EPB41L2: variants seen among roughly 807,000 people sequenced by gnomAD.
EPB41L2 encodes band 4.1-like protein 2.
A neutral mutation model predicts 113.0 loss-of-function variants in EPB41L2; 43 were observed. The ratio of observed to expected loss-of-function variants is 0.38; its 90% CI spans 0.30 to 0.49. The LOEUF (loss-of-function observed/expected upper bound fraction) is 0.49. Among genes scored for constraint, EPB41L2 ranks in the 20% least tolerant of loss-of-function variants. The pLI is 0.95. For synonymous variants in EPB41L2, 442 were observed against 436.7 expected, an observed-to-expected ratio of 1.01 and a Z score of -0.15; for missense variants, 1,147 against 1,223.4, an observed-to-expected ratio of 0.94 and a Z score of 0.93.
chr6:130,844,002 T>C (rs995907924), intron 19 of EPB41L2, among the ~76,000 whole-genome samples: 1 of 152,198 alleles, frequency 6.6e-6, no homozygotes, highest in Non-Finnish European at 1.5e-5. Context: ...GGCTCATGTA[T>C]TGATCTCAAT....
chr6:130,861,185 G>GCCT (rs1395001165), intron 18 of EPB41L2, among the ~76,000 whole-genome samples: 9 of 151,902 alleles, frequency 5.9e-5, no homozygotes, highest in Non-Finnish European at 2.9e-5. Context: ...CCATTCTCCT[G>GCCT]CCTCAGCCTC....
intron 19 of EPB41L2, among the ~76,000 whole-genome samples, chr6:130,841,500 G>A (rs1043883246): frequency 6.6e-6 from 1 of 152,214 alleles, no homozygotes; most frequent in Non-Finnish European, 1.5e-5. Flanking sequence ...CCGGCAAGGA[G>A]TAGAGGCAGG....
At chr6:130,892,060 G>A (rs1793064460) in intron 10 of EPB41L2, among the ~76,000 whole-genome samples, 1 of 152,166 alleles carries the variant, frequency 6.6e-6, no homozygotes. Flanking sequence ...AAAGTTTGCA[G>A]GAGCAAATTG....
At chr6:131,055,746 T>C (rs1797456675) in intron 1 of EPB41L2, among the ~76,000 whole-genome samples, 1 of 152,210 alleles carries the variant, frequency 6.6e-6, no homozygotes, top group Admixed American at 6.5e-5. Context: ...GCACACCAGC[T>C]ACTCCAAGAT....
intron 1 of EPB41L2, among the ~76,000 whole-genome samples, chr6:131,045,369 A>T (rs189544450): frequency 3.5e-4 from 53 of 152,168 alleles, no homozygotes; most frequent in Middle Eastern, 6.8e-3. Flanking sequence ...ATATTCATTT[A>T]AAAATGATGA....
chr6:131,002,933 G>C (rs1230405524), intron 1 of EPB41L2, among the ~76,000 whole-genome samples: 3 of 152,112 alleles, frequency 2.0e-5, no homozygotes, highest in Admixed American at 6.5e-5. Context: ...ACTTTTCCCA[G>C]TAGATAAAGT....
intron 16 of EPB41L2, 54 bp downstream of exon 16, chr6:130,867,404 TA>T (rs1465486742): frequency 6.3e-7 from 1 of 1,581,276 alleles, no homozygotes; most frequent in Admixed American, 1.9e-5. Context: ...AATGAAAACA[TA>T]GATACACTAA....
chr6:131,034,821 T>C (rs185413871), intron 1 of EPB41L2, among the ~76,000 whole-genome samples: 101 of 152,310 alleles, frequency 6.6e-4, no homozygotes, highest in African/African-American at 2.3e-3. Context: ...CACTAAAGAA[T>C]TAAGCTGGCA....
rs370423061 is a variant in EPB41L2 at position 131,054,697 on chromosome 6, G to A, written c.-15+8458C>T. ...TGTTACTACTTGAGACCGTCATTAC[G>A]AGACTGAAGGAAGGGACAAACATGG... On this transcript the variant is annotated intron_variant, in intron 1 of 19. Transcript: ENST00000337057. Among the ~76,000 whole-genome samples, 35 of 152,302 alleles carry A rather than the reference G, an allele frequency of 2.3e-4. 1 individual carries two copies. The highest frequency in any genetic ancestry group is 7.7e-4 in the African/African-American group (32 of 41,570).
At chr6:131,029,780 G>A (rs1020648653) in intron 1 of EPB41L2, among the ~76,000 whole-genome samples, 1 of 152,182 alleles carries the variant, frequency 6.6e-6, no homozygotes, top group Non-Finnish European at 1.5e-5. Context: ...ACAGTTGAAA[G>A]TTGATCTTTA....
At chr6:130,958,228 G>T (rs1818109940) in intron 1 of EPB41L2, among the ~76,000 whole-genome samples, 2 of 152,082 alleles carry the variant, frequency 1.3e-5, no homozygotes, top group African/African-American at 4.8e-5. Context: ...GAGGAGGGTG[G>T]ACCACTTGAG....
At chr6:130,981,826 T>C (rs928758570) in intron 1 of EPB41L2, among the ~76,000 whole-genome samples, 1 of 152,024 alleles carries the variant, frequency 6.6e-6, no homozygotes, top group Non-Finnish European at 1.5e-5. Flanking sequence ...ATAAATAAAA[T>C]TTGGAGAAAA....
chr6:130,876,760 G>A, intron 14 of EPB41L2: 3 of 1,303,728 alleles, frequency 2.3e-6, no homozygotes, highest in Non-Finnish European at 3.0e-6. Context: ...TCCTTGAAAA[G>A]ATGGTCTCCT....
intron 4 of EPB41L2, among the ~76,000 whole-genome samples, chr6:130,912,847 A>G (rs1166104793): frequency 6.6e-6 from 1 of 152,208 alleles, no homozygotes; most frequent in Non-Finnish European, 1.5e-5. Flanking sequence ...CACCCAAGGA[A>G]CAACCATAGC....
chr6:130,875,294 CA>C (rs1222293043), intron 14 of EPB41L2, among the ~76,000 whole-genome samples: 1 of 152,160 alleles, frequency 6.6e-6, no homozygotes, highest in Non-Finnish European at 1.5e-5. Context: ...CATCCAGTGC[CA>C]GGGGGACTTC....
intron 1 of EPB41L2, among the ~76,000 whole-genome samples, chr6:131,023,302 A>G (rs913765072): frequency 6.6e-6 from 1 of 151,592 alleles, no homozygotes; most frequent in Non-Finnish European, 1.5e-5. Context: ...TTTATTTCCT[A>G]TTATTTCTTA....
chr6:130,900,845 C>G lies in EPB41L2; in HGVS notation c.1148+117G>C, dbSNP rs879386379. ...TTGCCTTGATTAGTGCTAGGTGAAACTCCAAAAGGAAAAATTGGATAATCC... is the reference window on the plus strand; with the variant it reads ...TTGCCTTGATTAGTGCTAGGTGAAAGTCCAAAAGGAAAAATTGGATAATCC... On this transcript the variant is annotated intron_variant, in intron 7 of 19. Transcript: ENST00000337057. 19 of 1,253,342 alleles carry G rather than the reference C, an allele frequency of 1.5e-5. No homozygotes were observed. In the African/African-American group the frequency reaches 2.2e-4, roughly 15 times the overall value. The allele number at this position is 1,253,342 out of a possible 1,614,324, so 77.6% of individuals were successfully genotyped here.
At chr6:130,867,184 T>C (rs1214929371) in intron 16 of EPB41L2, among the ~76,000 whole-genome samples, 2 of 152,170 alleles carry the variant, frequency 1.3e-5, no homozygotes, top group African/African-American at 2.4e-5. Flanking sequence ...AACTCAGAAA[T>C]GGCTTTCAAT....
chr6:130,855,121 G>C (rs1473767140), intron 19 of EPB41L2, among the ~76,000 whole-genome samples: 1 of 152,030 alleles, frequency 6.6e-6, no homozygotes, highest in Non-Finnish European at 1.5e-5. Flanking sequence ...AGCCGAGGCA[G>C]GCAGATCACT....
Sources: allele counts gnomAD v4.1 joint callset (sites outside exome capture counted in the v4.1 genomes callset), GRCh38; gene constraint gnomAD v4.1.1; transcripts MANE v1.5; gene names NCBI Gene and HGNC (gene_info 2026-07-23, HGNC 2026-07-21).